The following SEC14L3 variants were observed in gnomAD, a reference collection of about 807,000 sequenced individuals.
SEC14L3 encodes the protein SEC14-like protein 3.
Under a neutral mutation model 57.4 loss-of-function variants are expected in SEC14L3, and 56 were observed. The observed-to-expected ratio is 0.97, with a 90% CI of 0.79 to 1.22. The LOEUF (loss-of-function observed/expected upper bound fraction) is 1.22. Ranked by LOEUF, SEC14L3 falls within the 50% of genes most tolerant of loss-of-function variation. The pLI, the probability that SEC14L3 is intolerant of heterozygous loss-of-function variation, is 0.00. For synonymous variants in SEC14L3, 173 were observed against 194.4 expected, an observed-to-expected ratio of 0.89 and a Z score of 0.92; for missense variants, 485 against 511.7, an observed-to-expected ratio of 0.95 and a Z score of 0.50.
intron 12 of SEC14L3, among the ~76,000 whole-genome samples, chr22:30,449,890 C>A (rs151014572): frequency 2.0e-5 from 3 of 152,100 alleles, no homozygotes; most frequent in African/African-American, 7.2e-5. Context: ...TGTAAATCAG[C>A]GCTGTGGTGA....
chr22:30,455,706 A>G (rs930486951), downstream of SEC14L3, among the ~76,000 whole-genome samples: 4 of 152,194 alleles, frequency 2.6e-5, no homozygotes, highest in African/African-American at 9.7e-5. Context: ...GCACCAGCAT[A>G]GTGTTGCCCA....
chr22:30,471,481 GCT>G (rs1935609362), intron 1 of SEC14L3, among the ~76,000 whole-genome samples: 2 of 152,126 alleles, frequency 1.3e-5, no homozygotes, highest in African/African-American at 4.8e-5. Context: ...AACACTTTCT[GCT>G]CTGTCTCTTG....
downstream of SEC14L3, among the ~76,000 whole-genome samples, chr22:30,455,300 G>A (rs1194646686): frequency 1.4e-5 from 2 of 142,872 alleles, no homozygotes; most frequent in African/African-American, 2.6e-5. Context: ...CCAGGCTGGA[G>A]TGCAGTGATG....
In SEC14L3 at chr22:30,468,667, C is replaced by T; in HGVS notation, c.264G>A (p.Leu88=). The part of the protein sequence containing the change: ...EVIQKYMPGG[L]CGYDRDGCPV... ...GGCAGCCATCACGGTCATAGCCACA[C>T]AGGCCCCCAGGCATGTACTTCTGGA... The change falls in exon 5 of 12, where the codon CTG becomes CTA. Residue 88 remains leucine, a synonymous_variant. Transcript: ENST00000215812. 1 of 1,613,854 alleles carries T rather than the reference C, an allele frequency of 6.2e-7. No homozygotes were observed. Among genetic ancestry groups the T allele is most frequent in the Non-Finnish European group, 8.5e-7 (1 of 1,179,794 alleles).
chr22:30,465,390 C>A (rs145845393), intron 7 of SEC14L3, among the ~76,000 whole-genome samples: 202 of 152,198 alleles, frequency 1.3e-3, no homozygotes, highest in Non-Finnish European at 2.1e-3. Flanking sequence ...AGCCAACCAT[C>A]CAAATAACCA....
At chr22:30,449,326 A>G in intron 12 of SEC14L3, 1 of 1,509,450 alleles carries the variant, frequency 6.6e-7, no homozygotes, top group South Asian at 1.2e-5. Context: ...CACCAATACT[A>G]AGGCATATGC....
chr22:30,462,025 T>A, intron 9 of SEC14L3, 61 bp downstream of exon 9: 1 of 1,527,390 alleles, frequency 6.5e-7, no homozygotes, highest in Non-Finnish European at 9.0e-7. Context: ...AATGACTGAG[T>A]GGAAAGGGAA....
chr22:30,461,121 G>A (rs1198431290), intron 11 of SEC14L3, among the ~76,000 whole-genome samples, 189 bp downstream of exon 11: 1 of 152,224 alleles, frequency 6.6e-6, no homozygotes, highest in Non-Finnish European at 1.5e-5. Context: ...GTATGTCTCT[G>A]GCTCCTGGTG....
intron 7 of SEC14L3, among the ~76,000 whole-genome samples, chr22:30,466,060 G>C (rs2146115299): frequency 6.6e-6 from 1 of 152,354 alleles, no homozygotes; most frequent in Middle Eastern, 3.4e-3. Context: ...AGTGCCAGAA[G>C]CAGTCTGGGG....
At chr22:30,456,335 A>G (rs1935120668), downstream of SEC14L3, among the ~76,000 whole-genome samples, 1 of 151,654 alleles carries the variant, frequency 6.6e-6, no homozygotes, top group Non-Finnish European at 1.5e-5. Context: ...CCAAACACGA[A>G]AAAAGGAATA....
rs765822813 is a variant in SEC14L3 at position 30,468,457 on chromosome 22, C to T, written c.423+51G>A. 139 of 1,423,038 alleles carry T rather than the reference C, an allele frequency of 9.8e-5. 1 individual carries two copies. Among genetic ancestry groups the T allele is most frequent in the Middle Eastern group, 2.0e-4 (1 of 4,998 alleles). 88.2% of individuals were successfully genotyped at this position (1,423,038 alleles called of 1,614,324 possible). On this transcript the variant is annotated intron_variant, in intron 5 of 11. Coordinates refer to ENST00000215812, the MANE Select transcript of SEC14L3 (RefSeq NM_174975.5). ...GGTGTGTTTCTGAGACCAATCCCCC[C>T]GGCAGCCTCACCTGCCCCCAGCCAT...
intron 1 of SEC14L3, 74 bp from the exon 2 acceptor site, chr22:30,470,656 A>G (rs936236600): frequency 6.2e-7 from 1 of 1,604,296 alleles, no homozygotes; most frequent in Non-Finnish European, 8.5e-7. Flanking sequence ...GACTGTTTTC[A>G]CAACCTCTCC....
downstream of SEC14L3, among the ~76,000 whole-genome samples, chr22:30,455,136 A>AATATTAAATATATATC (rs1569225668): frequency 2.1e-3 from 204 of 94,918 alleles, 1 homozygote; most frequent in African/African-American, 8.3e-3. Flanking sequence ...TATTATATTT[A>AATATTAAATATATATC]ATATTTAATA....
At chr22:30,457,517 A>C (rs547288388), downstream of SEC14L3, among the ~76,000 whole-genome samples, 2 of 151,200 alleles carry the variant, frequency 1.3e-5, no homozygotes, top group South Asian at 4.2e-4. Context: ...TGAGGAGCTG[A>C]GATTACAGGT....
chr22:30,471,777 G>A, intron 1 of SEC14L3, 128 bp downstream of exon 1: 4 of 1,361,882 alleles, frequency 2.9e-6, no homozygotes, highest in Non-Finnish European at 4.1e-6. Flanking sequence ...CCTTTGGGAG[G>A]TAACACCAAA....
chr22:30,457,317 A>C (rs1304586964), downstream of SEC14L3, among the ~76,000 whole-genome samples: 4 of 151,904 alleles, frequency 2.6e-5, no homozygotes, highest in African/African-American at 9.7e-5. Flanking sequence ...GTCAGATAAA[A>C]TATAAGATGC....
chr22:30,450,932 T>C (rs958810354), intron 12 of SEC14L3, among the ~76,000 whole-genome samples: 1 of 152,266 alleles, frequency 6.6e-6, no homozygotes. Flanking sequence ...AGAGCAGAGA[T>C]GGTGGCCATG....
At chr22:30,464,685 C>T in intron 8 of SEC14L3, 135 bp downstream of exon 8, 2 of 780,340 alleles carry the variant, frequency 2.6e-6, no homozygotes. Flanking sequence ...CCTGCCTCAG[C>T]CTCCCAAAGT....
intron 12 of SEC14L3, among the ~76,000 whole-genome samples, chr22:30,449,529 A>C (rs1328158507): frequency 6.6e-6 from 1 of 150,834 alleles, no homozygotes; most frequent in Non-Finnish European, 1.5e-5. Flanking sequence ...CAAGGGTTCC[A>C]GTCTGTCCGT....
Sources: allele counts gnomAD v4.1 joint callset (sites outside exome capture counted in the v4.1 genomes callset), GRCh38; gene constraint gnomAD v4.1.1; transcripts MANE v1.5; gene names NCBI Gene and HGNC (gene_info 2026-07-23, HGNC 2026-07-21).